LUZP4: variants seen among roughly 807,000 people sequenced by gnomAD.
LUZP4 encodes leucine zipper protein 4, also known as HOM-TES-85 tumor antigen.
A neutral mutation model predicts 8.5 loss-of-function variants in LUZP4; 11 were observed. The ratio of observed to expected loss-of-function variants is 1.30; its 90% CI spans 0.82 to 2.14. LUZP4 has a LOEUF of 2.14. Among genes scored for constraint, LUZP4 ranks in the 30% most tolerant of loss-of-function variants. The pLI is 0.00. For missense variants in LUZP4, 276 were observed against 229.7 expected, an observed-to-expected ratio of 1.20 and a Z score of -1.30; for synonymous variants, 104 against 79.4, an observed-to-expected ratio of 1.31 and a Z score of -1.65.
intron 3 of LUZP4, among the ~76,000 whole-genome samples, chrX:115,305,574 T>C (rs989169960): frequency 4.5e-5 from 5 of 111,988 alleles, no homozygotes; most frequent in Non-Finnish European, 7.5e-5. Flanking sequence ...TTGTCAAAGG[T>C]TTCGTTATTT....
chrX:115,297,413 A>G (rs2073375440), intron 1 of LUZP4, among the ~76,000 whole-genome samples: 1 of 112,035 alleles, frequency 8.9e-6, no homozygotes, highest in African/African-American at 3.2e-5. Flanking sequence ...TTCTGGTTGA[A>G]GCACTCCCTT....
intron 1 of LUZP4, among the ~76,000 whole-genome samples, chrX:115,292,770 T>C (rs1556597388): frequency 9.0e-6 from 1 of 111,420 alleles, no homozygotes; most frequent in African/African-American, 3.3e-5. Context: ...TTTTTGTAGA[T>C]GCCCTTATGA....
chrX:115,298,477 ATTGT>A (rs1414576143), intron 1 of LUZP4, among the ~76,000 whole-genome samples: 1 of 111,557 alleles, frequency 9.0e-6, no homozygotes, highest in African/African-American at 3.3e-5. Flanking sequence ...GGTGTGTTTC[ATTGT>A]TTGTTTGTTT....
In LUZP4 at chrX:115,300,932, GTAGA is replaced by G. The variant is rs782257321; in HGVS notation, c.92-1056_92-1053del. On this transcript the variant is annotated intron_variant, in intron 1 of 3. Coordinates refer to ENST00000371920, the MANE Select transcript of LUZP4 (RefSeq NM_016383.5). Reference sequence around the variant, plus strand: ...TTTTTATGAAGGTGTTTTTTTCTGTGTAGATAGTTGTTAAATTCGCGTCCTTGCT... The same window carrying G: ...TTTTTATGAAGGTGTTTTTTTCTGTGTAGTTGTTAAATTCGCGTCCTTGCT... 2.6e-4 allele frequency among the ~76,000 whole-genome samples: 29 copies of G among 111,117 alleles called. No homozygotes were observed. The East Asian group carries it at 8.3e-3, about 32-fold the overall frequency.
chrX:115,301,502 C>T (rs1421516559), intron 1 of LUZP4, among the ~76,000 whole-genome samples: 2 of 112,092 alleles, frequency 1.8e-5, no homozygotes, highest in African/African-American at 6.5e-5. Flanking sequence ...CACTTTCTTA[C>T]TTTTGTCACT....
Position 115,306,357 on chromosome X carries a change from C to T in LUZP4, c.495C>T (p.His165=). ...ENHHSERSRN[H]LERSLSQSDR... ...ATCATTCTGAGCGATCCCGAAACCA[C>T]TTAGAGAGATCTCTTTCTCAGTCAG... The change falls in exon 4 of 4, where the codon CAC becomes CAT. Residue 165 remains histidine, a synonymous_variant. Coordinates refer to ENST00000371920, the MANE Select transcript of LUZP4 (RefSeq NM_016383.5). 1 of 1,211,409 alleles carries T rather than the reference C, an allele frequency of 8.3e-7. No individual in the cohort carries two copies. The highest frequency in any genetic ancestry group is 3.0e-5 in the East Asian group (1 of 33,803).
At position 115,289,738 on chromosome X, in the gene LUZP4, G is replaced by C. The variant is rs1556595718; in HGVS notation, c.-22G>C. On this transcript the variant is annotated 5_prime_UTR_variant, in exon 1 of 4. Coordinates refer to ENST00000371920, the MANE Select transcript of LUZP4 (RefSeq NM_016383.5). ...GTACACGCGCCCTACCTCGGAGTGT[G>C]TGGCGCCATGATGCAGGGAAGATGG... 8.6e-7 allele frequency: 1 copy of C among 1,161,404 alleles called. No homozygotes were observed. The highest frequency in any genetic ancestry group is 2.2e-5 in the Admixed American group (1 of 45,903).
chrX:115,293,427 G>A (rs1342133059), intron 1 of LUZP4, among the ~76,000 whole-genome samples: 1 of 109,438 alleles, frequency 9.1e-6, no homozygotes, highest in Admixed American at 9.7e-5. Context: ...ACAGGCGTGT[G>A]CCACCACGCC....
At chrX:115,299,763 A>T (rs1001481098) in intron 1 of LUZP4, among the ~76,000 whole-genome samples, 2 of 111,205 alleles carry the variant, frequency 1.8e-5, no homozygotes, top group African/African-American at 6.5e-5. Flanking sequence ...GGATTCCAAG[A>T]GCCCACTTGG....
chrX:115,299,578 A>G (rs781928675), intron 1 of LUZP4, among the ~76,000 whole-genome samples: 15 of 109,661 alleles, frequency 1.4e-4, no homozygotes, highest in African/African-American at 4.7e-4. Flanking sequence ...CAGTCATCCT[A>G]GGCCAGGTAG....
At chrX:115,291,464 C>T (rs1320086885) in intron 1 of LUZP4, among the ~76,000 whole-genome samples, 2 of 110,673 alleles carry the variant, frequency 1.8e-5, no homozygotes, top group Admixed American at 9.6e-5. Context: ...AATGTGGAAG[C>T]GCAGGAGTGG....
chrX:115,299,880 C>A (rs1453630436), intron 1 of LUZP4, among the ~76,000 whole-genome samples: 1 of 111,686 alleles, frequency 9.0e-6, no homozygotes, highest in African/African-American at 3.3e-5. Flanking sequence ...TTATTCAGAG[C>A]CCAAGAGCTT....
In LUZP4 at chrX:115,307,496, A is replaced by C. The variant is rs1437720042; in HGVS notation, c.*692A>C. ...TAAATGTACTGGGAGTTATGTTGTT[A>C]AAAACACAAGATATGTTAACTGCAG... On this transcript the variant is annotated 3_prime_UTR_variant, in exon 4 of 4. Coordinates refer to ENST00000371920, the MANE Select transcript of LUZP4 (RefSeq NM_016383.5). 1 of 112,391 alleles carries C rather than the reference A, an allele frequency of 8.9e-6. No homozygotes were observed. The highest frequency in any genetic ancestry group is 3.2e-5 in the African/African-American group (1 of 30,899). 9.3% of individuals were successfully genotyped at this position (112,391 alleles called of 1,213,427 possible).
chrX:115,303,415 G>A lies in LUZP4; in HGVS notation c.339G>A (p.Glu113=). The A allele has an allele frequency of 3.7e-6, 4 of 1,087,785 alleles. No individual in the cohort carries two copies. Among genetic ancestry groups the A allele is most frequent in the Non-Finnish European group, 5.0e-6 (4 of 801,738 alleles). 89.6% of individuals were successfully genotyped at this position (1,087,785 alleles called of 1,213,427 possible). ...CTTTAAATGGGCAGCCTTTAATTGA[G>A]CAGGTAGATAAGTACCAAGAATTAA... ...QHPLNGQPLI[E]QEKCSDNYEA... Residue 113 remains glutamate (E), a synonymous_variant, in exon 3 of 4, where the codon GAG becomes GAA. Coordinates refer to ENST00000371920, the MANE Select transcript of LUZP4 (RefSeq NM_016383.5).
At chrX:115,291,069 G>T (rs887741745) in intron 1 of LUZP4, among the ~76,000 whole-genome samples, 4 of 110,932 alleles carry the variant, frequency 3.6e-5, no homozygotes, top group South Asian at 7.8e-4. Flanking sequence ...AAAGTCCTGG[G>T]ATTACAGGCA....
At chrX:115,291,321 A>T (rs1484100578) in intron 1 of LUZP4, among the ~76,000 whole-genome samples, 1 of 107,802 alleles carries the variant, frequency 9.3e-6, no homozygotes, top group Non-Finnish European at 1.9e-5. Context: ...CTGGTCTCGA[A>T]CTCCTGGCCT....
intron 1 of LUZP4, among the ~76,000 whole-genome samples, chrX:115,294,267 T>G (rs2073361120): frequency 8.9e-6 from 1 of 112,354 alleles, no homozygotes; most frequent in South Asian, 3.7e-4. Context: ...ATCTCAAAAT[T>G]CAGAGAAATA....
chrX:115,301,113 A>G (rs2073395148), intron 1 of LUZP4, among the ~76,000 whole-genome samples: 2 of 110,715 alleles, frequency 1.8e-5, no homozygotes, highest in Non-Finnish European at 3.8e-5. Context: ...TACCCTTTTC[A>G]GCTCTTCTTT....
chrX:115,302,195 A>G (rs1045502972), intron 2 of LUZP4, 72 bp downstream of exon 2: 4 of 935,929 alleles, frequency 4.3e-6, no homozygotes, highest in East Asian at 3.5e-5. Flanking sequence ...AGATAAGTAA[A>G]TCAAGAATTC....
Sources: gnomAD v4.1 joint callset for allele counts (sites outside exome capture counted in the v4.1 genomes callset) on GRCh38, gnomAD v4.1.1 for gene constraint, MANE v1.5 for transcripts, NCBI Gene and HGNC (gene_info 2026-07-23, HGNC 2026-07-21) for gene names.